The following NUMB variants were observed in gnomAD, a reference collection of about 807,000 sequenced individuals.
The protein encoded by NUMB is protein numb homolog.
A neutral mutation model predicts 59.7 loss-of-function variants in NUMB; 29 were observed. The observed-to-expected ratio is 0.49, with a 90% CI of 0.36 to 0.66. NUMB has a LOEUF of 0.66. Ranked by LOEUF, NUMB falls within the 30% of genes least tolerant of loss-of-function variation. The probability of loss-of-function intolerance (pLI) is 0.00; values close to 1 mark genes in which losing one functional copy is unlikely to be tolerated. For synonymous variants in NUMB, 288 were observed against 288.2 expected (o/e 1.00, Z 0.01); for missense variants, 723 against 822.0 (o/e 0.88, Z 1.47).
At chr14:73,380,559 T>G (rs1262354162) in intron 2 of NUMB, among the ~76,000 whole-genome samples, 1 of 152,170 alleles carries the variant, frequency 6.6e-6, no homozygotes, top group Non-Finnish European at 1.5e-5. Context: ...CTCTTCCCTC[T>G]GAATCACCAA....
At chr14:73,338,689 TG>T (rs1374772478) in intron 4 of NUMB, among the ~76,000 whole-genome samples, 1 of 152,192 alleles carries the variant, frequency 6.6e-6, no homozygotes, top group Admixed American at 6.5e-5. Flanking sequence ...AGTTTGTCAA[TG>T]GGGAGTGTTT....
intron 4 of NUMB, 45 bp from the exon 5 acceptor site, chr14:73,323,249 G>GTACT (rs761873762): frequency 7.7e-7 from 1 of 1,306,800 alleles, no homozygotes; most frequent in African/African-American, 1.5e-5. Context: ...TGTTTACCAA[G>GTACT]TAGCTACTAT....
chr14:73,355,114 T>C (rs1234641642), intron 4 of NUMB, among the ~76,000 whole-genome samples: 2 of 152,230 alleles, frequency 1.3e-5, no homozygotes, highest in African/African-American at 4.8e-5. Flanking sequence ...ATCTTCACTA[T>C]GTTCTTAACC....
At chr14:73,445,354 C>CAAAAAAAAAAAAAAAAAAAAAAA (rs752154048) in intron 1 of NUMB, among the ~76,000 whole-genome samples, 2 of 57,578 alleles carry the variant, frequency 3.5e-5, no homozygotes, top group African/African-American at 1.2e-4. Flanking sequence ...GACCCTGTCT[C>CAAAAAAAAAAAAAAAAAAAAAAA]AAAAAAAAAA....
At chr14:73,376,828 AACTGT>A (rs1227502507) in intron 2 of NUMB, among the ~76,000 whole-genome samples, 1 of 152,208 alleles carries the variant, frequency 6.6e-6, no homozygotes, top group African/African-American at 2.4e-5. Context: ...AGTGTGCTAT[AACTGT>A]GCCTGTGAAT....
chr14:73,317,501 C>T (rs1368569190), intron 5 of NUMB, among the ~76,000 whole-genome samples: 1 of 152,136 alleles, frequency 6.6e-6, no homozygotes, highest in African/African-American at 2.4e-5. Context: ...AGGGTTTCAC[C>T]GTGTTGGCCA....
In NUMB at chr14:73,292,807, G is replaced by T. The variant is rs1180168347; in HGVS notation, c.377C>A (p.Ala126Asp). 2.5e-6 allele frequency: 4 copies of T among 1,614,032 alleles called. No homozygotes were observed. The highest frequency in any genetic ancestry group is 3.4e-6 in the Non-Finnish European group (4 of 1,180,024). ...GCCATCACGGCATATGTAAGAAAAG[G>T]CTCTATCAAAGTTCCTGTCTGGGGC... ...FCAPDRNFDR[A>D]FSYICRDGTT... Residue 126 changes from alanine to aspartate, a missense_variant, in exon 8 of 13, where the codon GCC (alanine) becomes GAC (aspartate). Coordinates refer to ENST00000555238, the MANE Select transcript of NUMB (RefSeq NM_001005743.2).
intron 6 of NUMB, among the ~76,000 whole-genome samples, chr14:73,314,730 G>A (rs1377307596): frequency 6.6e-6 from 1 of 151,654 alleles, no homozygotes; most frequent in Non-Finnish European, 1.5e-5. Context: ...ATAGCTTATC[G>A]TATATAGCCT....
chr14:73,444,930 A>G (rs954292598), intron 1 of NUMB, among the ~76,000 whole-genome samples: 1 of 152,068 alleles, frequency 6.6e-6, no homozygotes, highest in Non-Finnish European at 1.5e-5. Flanking sequence ...CCTGCAGAAA[A>G]CATCCTCCCC....
intron 1 of NUMB, among the ~76,000 whole-genome samples, chr14:73,451,430 C>T (rs1459182621): frequency 1.5e-5 from 2 of 133,332 alleles, no homozygotes; most frequent in Admixed American, 7.4e-5. Flanking sequence ...GAGGAGACAC[C>T]GTCTAAAAAA....
intron 2 of NUMB, among the ~76,000 whole-genome samples, chr14:73,388,096 C>G (rs2140092670): frequency 6.6e-6 from 1 of 151,990 alleles, no homozygotes; most frequent in South Asian, 2.1e-4. Flanking sequence ...AAGTGAGACC[C>G]TGTCTCTAAA....
At chr14:73,418,360 G>A (rs1428477076) in intron 1 of NUMB, among the ~76,000 whole-genome samples, 1 of 152,172 alleles carries the variant, frequency 6.6e-6, no homozygotes, top group East Asian at 1.9e-4. Context: ...GTTGTTTAAT[G>A]GGCCCGTGCC....
At chr14:73,351,148 C>T (rs973091115) in intron 4 of NUMB, among the ~76,000 whole-genome samples, 6 of 152,158 alleles carry the variant, frequency 3.9e-5, no homozygotes, top group Non-Finnish European at 8.8e-5. Context: ...TGCACTTATA[C>T]CTCCTAAATC....
chr14:73,335,775 CATT>C (rs1892276789), intron 4 of NUMB, among the ~76,000 whole-genome samples: 1 of 152,192 alleles, frequency 6.6e-6, no homozygotes, highest in African/African-American at 2.4e-5. Flanking sequence ...CAGTTCCCAA[CATT>C]AACAAAAGTG....
chr14:73,397,177 C>A (rs966864228), intron 2 of NUMB, among the ~76,000 whole-genome samples: 1 of 151,948 alleles, frequency 6.6e-6, no homozygotes, highest in Non-Finnish European at 1.5e-5. Context: ...CCTGGGCCCC[C>A]AAACCAGGTT....
At chr14:73,352,796 C>A (rs1383721367) in intron 4 of NUMB, among the ~76,000 whole-genome samples, 1 of 149,476 alleles carries the variant, frequency 6.7e-6, no homozygotes, top group Non-Finnish European at 1.5e-5. Context: ...CCCGCCCTGG[C>A]CTCCCAAAGT....
chr14:73,372,329 ATATATAT>A (rs1894735669), intron 2 of NUMB, among the ~76,000 whole-genome samples: 1 of 103,602 alleles, frequency 9.7e-6, no homozygotes, highest in African/African-American at 3.5e-5. Flanking sequence ...ATATATATAT[ATATATAT>A]AACCTTTTAT....
intron 4 of NUMB, among the ~76,000 whole-genome samples, chr14:73,344,557 C>T (rs1177389097): frequency 6.6e-6 from 1 of 152,190 alleles, no homozygotes; most frequent in Non-Finnish European, 1.5e-5. Context: ...CATCCATATG[C>T]TCAATTCTCC....
intron 1 of NUMB, among the ~76,000 whole-genome samples, chr14:73,442,689 A>C (rs1389913883): frequency 1.3e-5 from 2 of 152,234 alleles, no homozygotes; most frequent in African/African-American, 2.4e-5. Flanking sequence ...TGCTATTTAT[A>C]TAAAATTCTA....
Sources: allele counts gnomAD v4.1 joint callset (sites outside exome capture counted in the v4.1 genomes callset), GRCh38; gene constraint gnomAD v4.1.1; transcripts MANE v1.5; gene names NCBI Gene and HGNC (gene_info 2026-07-23, HGNC 2026-07-21).